Variants in ADAM15 observed in about 807,000 individuals in gnomAD.
The protein encoded by ADAM15 is disintegrin and metalloproteinase domain-containing protein 15.
A neutral mutation model predicts 113.8 loss-of-function variants in ADAM15; 77 were observed. The observed-to-expected ratio is 0.68, with a 90% CI of 0.56 to 0.82. The LOEUF (loss-of-function observed/expected upper bound fraction) is 0.82, where lower values mean the gene tolerates loss of function less well. ADAM15 is among the 40% of genes least tolerant of loss of function. ADAM15 has a pLI of 0.00. For synonymous variants in ADAM15, 388 were observed against 454.1 expected, an observed-to-expected ratio of 0.85 and a Z score of 1.85; for missense variants, 963 against 1,120.1, an observed-to-expected ratio of 0.86 and a Z score of 2.00.
chr1:155,055,218 AATTATT>A (rs71077976), intron 6 of ADAM15, among the ~76,000 whole-genome samples: 1 of 148,242 alleles, frequency 6.7e-6, no homozygotes, highest in African/African-American at 2.5e-5. Flanking sequence ...GATTTTTAAA[AATTATT>A]ATTATTATTA....
chr1:155,061,700 C>T (rs2102428477), intron 20 of ADAM15: 1 of 766,508 alleles, frequency 1.3e-6, no homozygotes, highest in East Asian at 2.8e-5. Context: ...GGCGGGACTG[C>T]AGTCGGCCAG....
chr1:155,053,862 G>T, intron 3 of ADAM15, 48 bp from the exon 4 acceptor site: 2 of 1,597,810 alleles, frequency 1.3e-6, no homozygotes, highest in South Asian at 2.2e-5. Flanking sequence ...GTCAATGCAC[G>T]ACCTGGGAAG....
rs939290485 is a variant in ADAM15 at position 155,062,457 on chromosome 1, C to G, written c.2550-3C>G. ...TCTTTTTTCTTGGCTTCCCGCAATC[C>G]AGACCAGCGCCACCGCCTCCGACAG... On this transcript the variant is annotated splice_region_variant and splice_polypyrimidine_tract_variant and intron_variant, in intron 22 of 22. Coordinates refer to ENST00000356955, the MANE Select transcript of ADAM15 (RefSeq NM_207197.3). This position sits in a 1 kb window ranked among gnomAD's most constrained non-coding sequence, Gnocchi z 7.0. 1.2e-6 allele frequency: 2 copies of G among 1,613,210 alleles called. No homozygotes were observed. The highest frequency in any genetic ancestry group is 2.7e-5 in the African/African-American group (2 of 74,914).
rs555469367 is a variant in ADAM15 at position 155,059,192 on chromosome 1, C to T, written c.1995+405C>T. On this transcript the variant is annotated intron_variant, in intron 16 of 22. Transcript: ENST00000356955. ...AAACATTACTCATGTCTCAGCCTCC[C>T]TACTCGCTGGGATTACAGTCACCCG... Among the ~76,000 whole-genome samples, 301 of 152,274 alleles carry T rather than the reference C, an allele frequency of 2.0e-3. 1 individual carries two copies. Among genetic ancestry groups the T allele is most frequent in the South Asian group, 0.014 (67 of 4,832 alleles).
Position 155,062,624 on chromosome 1 carries a change from C to A in ADAM15, c.*122C>A. 7.5e-7 allele frequency: 1 copy of A among 1,338,872 alleles called. No homozygotes were observed. Among genetic ancestry groups the A allele is most frequent in the Non-Finnish European group, 1.0e-6 (1 of 972,830 alleles). 82.9% of individuals were successfully genotyped at this position (1,338,872 alleles called of 1,614,324 possible). A position where few individuals can be genotyped will look rare whatever the true frequency, so the allele number is the denominator to read the frequency against. On this transcript the variant is annotated 3_prime_UTR_variant, in exon 23 of 23. Transcript: ENST00000356955. The surrounding 1 kb of genome is among the most constrained non-coding windows in gnomAD (Gnocchi z 7.0). ...ACTGGCGGTGTCTTAAGACTCCGGGCACCGCCACGCGCTGTCAAGCAACAC... is the reference window on the plus strand; with the variant it reads ...ACTGGCGGTGTCTTAAGACTCCGGGAACCGCCACGCGCTGTCAAGCAACAC...
At chr1:155,054,841 G>C (rs1661550577) in intron 6 of ADAM15, among the ~76,000 whole-genome samples, 1 of 152,074 alleles carries the variant, frequency 6.6e-6, no homozygotes, top group Admixed American at 6.5e-5. Context: ...CTACACACCA[G>C]CCTGGGTGAA....
At position 155,057,210 on chromosome 1, in the gene ADAM15, A is replaced by G. The variant is rs1031287354; in HGVS notation, c.1171A>G (p.Ser391Gly). 1 of 1,613,788 alleles carries G rather than the reference A, an allele frequency of 6.2e-7. No individual in the cohort carries two copies. Among genetic ancestry groups the G allele is most frequent in the Middle Eastern group, 1.7e-4 (1 of 6,060 alleles). Residue 391 changes from serine (S) to glycine (G), a missense_variant, in exon 12 of 23, where the codon AGC becomes GGC. Physicochemically the swap from Ser to Gly is moderately conservative, Grantham distance 56. Coordinates refer to ENST00000356955, the MANE Select transcript of ADAM15 (RefSeq NM_207197.3). The surrounding 1 kb of genome is among the most constrained non-coding windows in gnomAD (Gnocchi z 5.0). ...CAGCTTCCTACCAGGCCTGAACTTC[A>G]GCAACTGCAGCCGACGGGCCCTGGA... Reference protein sequence around the residue: ...STDFLPGLNFSNCSRRALEKA... With the variant: ...STDFLPGLNFGNCSRRALEKA...
At chr1:155,052,873 G>C in intron 2 of ADAM15, 96 bp downstream of exon 2, 1 of 1,479,528 alleles carries the variant, frequency 6.8e-7, no homozygotes, top group South Asian at 1.3e-5. Context: ...GGAGCTGGTG[G>C]GTAGAGCTCA....
In ADAM15 at chr1:155,058,714, G is replaced by C; in HGVS notation, c.1922G>C (p.Cys641Ser). The change falls in exon 16 of 23, where the codon TGT becomes TCT. Residue 641 changes from cysteine to serine, a missense_variant. Cys to Ser is a moderately radical substitution (Grantham distance 112). Coordinates refer to ENST00000356955, the MANE Select transcript of ADAM15 (RefSeq NM_207197.3). The surrounding 1 kb of genome is among the most constrained non-coding windows in gnomAD (Gnocchi z 4.3). Reference protein sequence around the residue: ...PGTACGPGLVCIDHRCQRVDL... With the variant: ...PGTACGPGLVSIDHRCQRVDL... ...GCTCTTCTCTCCCTGGGTCAGGTGT[G>C]TATAGACCATCGATGCCAGCGTGTG... The C allele has an allele frequency of 1.2e-6, 2 of 1,613,576 alleles. No homozygotes were observed. Among genetic ancestry groups the C allele is most frequent in the South Asian group, 2.2e-5 (2 of 90,966 alleles).
Position 155,052,360 on chromosome 1 carries a change from G to T in ADAM15, c.80-311G>T. ...GAAGTGGGGGGAGAGTGATTGGGAG[G>T]GAGTGGGAACCGGGGAGGGTCCTGT... On this transcript the variant is annotated intron_variant, in intron 1 of 22. Transcript: ENST00000356955. The T allele has an allele frequency of 7.9e-6, 6 of 763,026 alleles. No homozygotes were observed. In the South Asian group the frequency reaches 1.1e-4, roughly 14 times the overall value. 47.3% of individuals were successfully genotyped at this position (763,026 alleles called of 1,614,324 possible).
At position 155,056,944 on chromosome 1, in the gene ADAM15, C is replaced by T; in HGVS notation, c.1000-9C>T. The T allele has an allele frequency of 1.3e-6, 2 of 1,544,526 alleles. No homozygotes were observed. Among genetic ancestry groups the T allele is most frequent in the South Asian group, 2.5e-5 (2 of 79,660 alleles). On this transcript the variant is annotated splice_polypyrimidine_tract_variant and intron_variant, in intron 10 of 22. Coordinates refer to ENST00000356955, the MANE Select transcript of ADAM15 (RefSeq NM_207197.3). The surrounding 1 kb of genome is among the most constrained non-coding windows in gnomAD (Gnocchi z 4.0). ...GGACTGGACCTACAGTACCCCTCCC[C>T]AATGACAGGACCACTCCACCAGCAT...
In ADAM15 at chr1:155,056,909, A is replaced by G; in HGVS notation, c.1000-44A>G. 6.6e-7 allele frequency: 1 copy of G among 1,521,464 alleles called. No individual in the cohort carries two copies. The highest frequency in any genetic ancestry group is 8.8e-7 in the Non-Finnish European group (1 of 1,133,648). 94.2% of individuals were successfully genotyped at this position (1,521,464 alleles called of 1,614,324 possible). A position where few individuals can be genotyped will look rare whatever the true frequency, so the allele number is the denominator to read the frequency against. On this transcript the variant is annotated intron_variant, in intron 10 of 22. Coordinates refer to ENST00000356955, the MANE Select transcript of ADAM15 (RefSeq NM_207197.3). This position sits in a 1 kb window ranked among gnomAD's most constrained non-coding sequence, Gnocchi z 4.0. ...GAGGGTGGTCTGGGCATTGTGGTGG[A>G]GGCAGGCTGGGACTGGACCTACAGT...
intron 20 of ADAM15, 34 bp downstream of exon 20, chr1:155,061,523 G>A (rs768319203): frequency 5.6e-6 from 9 of 1,601,480 alleles, no homozygotes; most frequent in Middle Eastern, 3.3e-4. Context: ...CTGAGCCAAG[G>A]CAGGTGGGAG....
Position 155,054,486 on chromosome 1 carries a change from G to C in ADAM15, c.592G>C (p.Gly198Arg), listed in dbSNP as rs778332212. ...TCAGAAGCCACCAGAGCACCCCCTGGGACAGCGCCACATTCGCCGGGTGAG... is the reference window on the plus strand; with the variant it reads ...TCAGAAGCCACCAGAGCACCCCCTGCGACAGCGCCACATTCGCCGGGTGAG... ...HTQKPPEHPL[G>R]QRHIRRRRDV... The change falls in exon 6 of 23, where the codon GGA (glycine) becomes CGA (arginine). Residue 198 changes from glycine (G) to arginine (R), a missense_variant. Coordinates refer to ENST00000356955, the MANE Select transcript of ADAM15 (RefSeq NM_207197.3). 10 of 1,581,280 alleles carry C rather than the reference G, an allele frequency of 6.3e-6. No homozygotes were observed. Among genetic ancestry groups the C allele is most frequent in the Non-Finnish European group, 8.6e-6 (10 of 1,161,430 alleles).
In ADAM15 at chr1:155,058,526, A is replaced by G. The variant is rs973999886; in HGVS notation, c.1917+85A>G. ...AGAGCCCAGACTTCACCATTCACCA[A>G]TGTCAAAGGCAGGGACTCCAAGGGA... On this transcript the variant is annotated intron_variant, in intron 15 of 22. Coordinates refer to ENST00000356955, the MANE Select transcript of ADAM15 (RefSeq NM_207197.3). The surrounding 1 kb of genome is among the most constrained non-coding windows in gnomAD (Gnocchi z 4.3). 6.4e-7 allele frequency: 1 copy of G among 1,566,654 alleles called. No individual in the cohort carries two copies. The highest frequency in any genetic ancestry group is 8.6e-7 in the Non-Finnish European group (1 of 1,159,622).
Position 155,056,047 on chromosome 1 carries a change from C to A in ADAM15, c.745-33C>A, listed in dbSNP as rs1337602829. ...CCCCACCCCAGGCCCCTGACCATGG[C>A]AACCCCTCTTCTGAGCCCCAGCTGT... On this transcript the variant is annotated intron_variant, in intron 8 of 22. Transcript: ENST00000356955. This position sits in a 1 kb window ranked among gnomAD's most constrained non-coding sequence, Gnocchi z 4.0. The A allele has an allele frequency of 1.2e-6, 2 of 1,612,160 alleles. No individual in the cohort carries two copies. The highest frequency in any genetic ancestry group is 1.7e-6 in the Non-Finnish European group (2 of 1,179,726).
Position 155,057,646 on chromosome 1 carries a change from G to A in ADAM15, c.1333G>A (p.Asp445Asn), listed in dbSNP as rs1035297613. Residue 445 changes from aspartate to asparagine, a missense_variant, in exon 13 of 23, where the codon GAT becomes AAT. Asp to Asn is a conservative substitution (Grantham distance 23). Coordinates refer to ENST00000356955, the MANE Select transcript of ADAM15 (RefSeq NM_207197.3). The surrounding 1 kb of genome is among the most constrained non-coding windows in gnomAD (Gnocchi z 5.0). ...CDCGFLDDCVDPCCDSLTCQL... is the reference protein window; with the variant it reads ...CDCGFLDDCVNPCCDSLTCQL... ...GTGCTCCTGCCCACAGGACTGCGTC[G>A]ATCCCTGCTGTGATTCTTTGACCTG... 3.7e-6 allele frequency: 6 copies of A among 1,614,144 alleles called. No homozygotes were observed. Among genetic ancestry groups the A allele is most frequent in the East Asian group, 2.2e-5 (1 of 44,878 alleles).
At position 155,056,629 on chromosome 1, in the gene ADAM15, C is replaced by T. The variant is rs1389683761; in HGVS notation, c.999+159C>T. ...GTGGCCTTTGCTATCAGGGAGCCCT[C>T]GCTTATGGCCAGCTAGTCACAGTGT... On this transcript the variant is annotated intron_variant, in intron 10 of 22. Transcript: ENST00000356955. This position sits in a 1 kb window ranked among gnomAD's most constrained non-coding sequence, Gnocchi z 4.0. 1.3e-5 allele frequency among the ~76,000 whole-genome samples: 2 copies of T among 152,134 alleles called. No homozygotes were observed. Among genetic ancestry groups the T allele is most frequent in the Non-Finnish European group, 1.5e-5 (1 of 68,012 alleles).
Position 155,062,634 on chromosome 1 carries a change from C to A in ADAM15, c.*132C>A. ...TCTTAAGACTCCGGGCACCGCCACG[C>A]GCTGTCAAGCAACACTCTGCGGACC... On this transcript the variant is annotated 3_prime_UTR_variant, in exon 23 of 23. Coordinates refer to ENST00000356955, the MANE Select transcript of ADAM15 (RefSeq NM_207197.3). This position sits in a 1 kb window ranked among gnomAD's most constrained non-coding sequence, Gnocchi z 7.0. 2 of 1,280,222 alleles carry A rather than the reference C, an allele frequency of 1.6e-6. No homozygotes were observed. Among genetic ancestry groups the A allele is most frequent in the Admixed American group, 2.3e-5 (1 of 43,994 alleles). 79.3% of individuals were successfully genotyped at this position (1,280,222 alleles called of 1,614,324 possible). A position where few individuals can be genotyped will look rare whatever the true frequency, so the allele number is the denominator to read the frequency against.
Sources: gnomAD v4.1 joint callset for allele counts (sites outside exome capture counted in the v4.1 genomes callset) on GRCh38, gnomAD v4.1.1 for gene constraint, Gnocchi (gnomAD v3.1) non-coding constraint, MANE v1.5 for transcripts, NCBI Gene and HGNC (gene_info 2026-07-23, HGNC 2026-07-21) for gene names.